ABLIM2: variants seen among roughly 807,000 people sequenced by gnomAD.
The protein encoded by ABLIM2 is actin binding LIM protein family member 2.
In ABLIM2, 53 loss-of-function variants were observed where a neutral mutation model predicts 97.7. The observed-to-expected ratio is 0.54, with a 90% confidence interval of 0.44 to 0.68. ABLIM2 has a LOEUF of 0.68. Ranked by LOEUF, ABLIM2 falls within the 30% of genes least tolerant of loss-of-function variation. The probability of loss-of-function intolerance (pLI) is 0.00; values close to 1 mark genes in which losing one functional copy is unlikely to be tolerated. For missense variants in ABLIM2, 835 were observed against 867.2 expected, an observed-to-expected ratio of 0.96 and a Z score of 0.47; for synonymous variants, 361 against 345.8, an observed-to-expected ratio of 1.04 and a Z score of -0.49.
At position 8,132,690 on chromosome 4, in the gene ABLIM2, A is replaced by C. The variant is rs1391283779; in HGVS notation, c.10+25990T>G. Among the ~76,000 whole-genome samples, 1 of 152,202 alleles carries C rather than the reference A, an allele frequency of 6.6e-6. No individual in the cohort carries two copies. The highest frequency in any genetic ancestry group is 1.5e-5 in the Non-Finnish European group (1 of 68,030). On this transcript the variant is annotated intron_variant, in intron 1 of 20. Coordinates refer to ENST00000447017, the MANE Select transcript of ABLIM2 (RefSeq NM_001130083.2). This position sits in a 1 kb window ranked among gnomAD's most constrained non-coding sequence, Gnocchi z 8.0. The stretch of plus-strand genomic sequence containing the variant: ...CCCGCTGTCTTCCCTCGGGTGACTC[A>C]GTCCTGGGCCTGCAACAGGCCCCAA...
chr4:8,001,042 G>A lies in ABLIM2; in HGVS notation c.1618+7017C>T, dbSNP rs996833870. Among the ~76,000 whole-genome samples the A allele has an allele frequency of 1.3e-5, 2 of 152,246 alleles. No individual in the cohort carries two copies. Among genetic ancestry groups the A allele is most frequent in the Non-Finnish European group, 2.9e-5 (2 of 68,040 alleles). On this transcript the variant is annotated intron_variant, in intron 16 of 20. Coordinates refer to ENST00000447017, the MANE Select transcript of ABLIM2 (RefSeq NM_001130083.2). This position sits in a 1 kb window ranked among gnomAD's most constrained non-coding sequence, Gnocchi z 4.2. ...TTGGGCAGTTCCCATCCGCTCCTGG[G>A]TGCACGGGCAGGAGGTTTGGAGGCT...
intron 8 of ABLIM2, among the ~76,000 whole-genome samples, chr4:8,050,630 G>A (rs1795388674): frequency 6.6e-6 from 1 of 152,178 alleles, no homozygotes; most frequent in Non-Finnish European, 1.5e-5. Flanking sequence ...GAGCCGGCCA[G>A]GTCTGCCTGC....
chr4:8,119,033 G>A (rs1226354306), intron 1 of ABLIM2, among the ~76,000 whole-genome samples: 1 of 152,164 alleles, frequency 6.6e-6, no homozygotes, highest in African/African-American at 2.4e-5. Context: ...TCTGAAACAG[G>A]ACAAGCCTCT....
rs1198756656 is a variant in ABLIM2 at position 8,148,532 on chromosome 4, C to G, written c.10+10148G>C. Among the ~76,000 whole-genome samples the G allele has an allele frequency of 6.6e-6, 1 of 152,172 alleles. No homozygotes were observed. The highest frequency in any genetic ancestry group is 1.5e-5 in the Non-Finnish European group (1 of 68,006). On this transcript the variant is annotated intron_variant, in intron 1 of 20. Transcript: ENST00000447017. This position sits in a 1 kb window ranked among gnomAD's most constrained non-coding sequence, Gnocchi z 6.7. ...ATTCCCTGGGCCTCCGTTTGCTCACCTGTGAAGTGGGAATACTGGTAGTCC... is the reference window on the plus strand; with the variant it reads ...ATTCCCTGGGCCTCCGTTTGCTCACGTGTGAAGTGGGAATACTGGTAGTCC...
rs537560018 is a variant in ABLIM2, at chr4:8,062,004, C to T, written c.676-950G>A. 3.9e-5 allele frequency among the ~76,000 whole-genome samples: 6 copies of T among 151,990 alleles called. No homozygotes were observed. In the East Asian group the frequency reaches 9.7e-4, roughly 24 times the overall value. ...CCTGCGCAGAGCCTGGTGTGGCCTC[C>T]TCTGCCAACCTCCGGGCCAGGTGAT... On this transcript the variant is annotated intron_variant, in intron 6 of 20. Coordinates refer to ENST00000447017, the MANE Select transcript of ABLIM2 (RefSeq NM_001130083.2).
At chr4:8,086,195 G>T (rs1192831141) in intron 4 of ABLIM2, among the ~76,000 whole-genome samples, 1 of 150,896 alleles carries the variant, frequency 6.6e-6, no homozygotes, top group African/African-American at 2.4e-5. Flanking sequence ...GGGAACATTT[G>T]TTCTTTGAAA....
At position 7,992,626 on chromosome 4, in the gene ABLIM2, C is replaced by A. The variant is rs1749767115; in HGVS notation, c.1680+240G>T. 1.3e-5 allele frequency among the ~76,000 whole-genome samples: 2 copies of A among 152,092 alleles called. No individual in the cohort carries two copies. The highest frequency in any genetic ancestry group is 4.1e-4 in the South Asian group (2 of 4,822). On this transcript the variant is annotated intron_variant, in intron 17 of 20. Transcript: ENST00000447017. This position sits in a 1 kb window ranked among gnomAD's most constrained non-coding sequence, Gnocchi z 5.7. ...CCCTGCTCCCACACACTGAGCTCTC[C>A]CTGGGGTCGGGGGCAGGGAGGCAGA...
chr4:8,021,318 TC>T lies in ABLIM2; in HGVS notation c.1268-1016del, dbSNP rs897208132. ...GCCGAGGTGACCTGGGTGACGCCCC[TC>T]CCCCCACACCTGTTTGGGGAATGAG... On this transcript the variant is annotated intron_variant, in intron 12 of 20. Transcript: ENST00000447017. This position sits in a 1 kb window ranked among gnomAD's most constrained non-coding sequence, Gnocchi z 5.5. Among the ~76,000 whole-genome samples the T allele has an allele frequency of 2.6e-5, 4 of 151,896 alleles. No individual in the cohort carries two copies. Among genetic ancestry groups the T allele is most frequent in the Admixed American group, 2.0e-4 (3 of 15,244 alleles).
chr4:7,995,483 C>T (rs892937510), intron 16 of ABLIM2, among the ~76,000 whole-genome samples: 3 of 152,242 alleles, frequency 2.0e-5, no homozygotes, highest in African/African-American at 7.2e-5. Context: ...GGGGACCTCA[C>T]TTCTGAGCAA....
intron 1 of ABLIM2, among the ~76,000 whole-genome samples, chr4:8,136,472 GC>G (rs1850218780): frequency 6.6e-6 from 1 of 152,204 alleles, no homozygotes; most frequent in Non-Finnish European, 1.5e-5. Context: ...AAAAAATGAT[GC>G]CAATAGATGC....
intron 20 of ABLIM2, among the ~76,000 whole-genome samples, chr4:7,975,685 A>C (rs1253714756): frequency 6.6e-6 from 1 of 152,184 alleles, no homozygotes; most frequent in Non-Finnish European, 1.5e-5. Context: ...TTTAACATAT[A>C]TAGCTAAAAG....
At position 8,046,571 on chromosome 4, in the gene ABLIM2, C is replaced by T. The variant is rs1288102597; in HGVS notation, c.823-1330G>A. ...CGACCACAGCCCCCACTGCAGCTCC[C>T]TCCTCTCATTTTCTGAGTAGACCCT... On this transcript the variant is annotated intron_variant, in intron 8 of 20. Transcript: ENST00000447017. This position sits in a 1 kb window ranked among gnomAD's most constrained non-coding sequence, Gnocchi z 4.4. Among the ~76,000 whole-genome samples the T allele has an allele frequency of 6.6e-6, 1 of 152,188 alleles. No homozygotes were observed. The highest frequency in any genetic ancestry group is 1.5e-5 in the Non-Finnish European group (1 of 68,042).
At position 8,004,621 on chromosome 4, in the gene ABLIM2, G is replaced by T. The variant is rs1478705307; in HGVS notation, c.1618+3438C>A. ...GATGGGGCCTCAAGGGGCTAGGAAT[G>T]TGGGACCCCAAGCAGCAGCAGGCCC... is the stretch of plus-strand genomic sequence containing the variant. On this transcript the variant is annotated intron_variant, in intron 16 of 20. Transcript: ENST00000447017. The surrounding 1 kb of genome is among the most constrained non-coding windows in gnomAD (Gnocchi z 5.9). Among the ~76,000 whole-genome samples the T allele has an allele frequency of 6.6e-6, 1 of 152,150 alleles. No individual in the cohort carries two copies. The highest frequency in any genetic ancestry group is 1.5e-5 in the Non-Finnish European group (1 of 68,024).
At chr4:8,081,848 A>T (rs1240130149) in intron 4 of ABLIM2, among the ~76,000 whole-genome samples, 1 of 152,150 alleles carries the variant, frequency 6.6e-6, no homozygotes, top group Non-Finnish European at 1.5e-5. Flanking sequence ...CACTGAGTCA[A>T]CCACCCAGGT....
intron 20 of ABLIM2, among the ~76,000 whole-genome samples, chr4:7,977,798 A>AAATAAATG (rs145285874): frequency 9.3e-5 from 14 of 150,472 alleles, no homozygotes; most frequent in Admixed American, 4.0e-4. Flanking sequence ...CTCAATAAAT[A>AAATAAATG]AATAAATAAA....
chr4:8,036,298 G>A lies in ABLIM2; in HGVS notation c.901-3C>T. On this transcript the variant is annotated splice_polypyrimidine_tract_variant and splice_region_variant and intron_variant, in intron 9 of 20. Transcript: ENST00000447017. ...AGGATCTCACCACCAAGCTTGGCCT[G>A]AGAGGGGAAAGAGAATTGGGGAGGG... 1 of 1,613,474 alleles carries A rather than the reference G, an allele frequency of 6.2e-7. No individual in the cohort carries two copies. Among genetic ancestry groups the A allele is most frequent in the Non-Finnish European group, 8.5e-7 (1 of 1,179,578 alleles).
At chr4:8,080,164 G>T (rs913998527) in intron 5 of ABLIM2, among the ~76,000 whole-genome samples, 9 of 152,208 alleles carry the variant, frequency 5.9e-5, no homozygotes, top group African/African-American at 2.2e-4. Flanking sequence ...GGTGTCGATG[G>T]CAGCTGCCCC....
intron 20 of ABLIM2, among the ~76,000 whole-genome samples, chr4:7,980,540 C>T (rs926453207): frequency 6.6e-6 from 1 of 151,998 alleles, no homozygotes; most frequent in Non-Finnish European, 1.5e-5. Context: ...CGTGGTGAAA[C>T]CCCATCTCTA....
Position 8,104,549 on chromosome 4 carries a change from C to T in ABLIM2, c.154+1945G>A, listed in dbSNP as rs114806939. On this transcript the variant is annotated intron_variant, in intron 2 of 20. Coordinates refer to ENST00000447017, the MANE Select transcript of ABLIM2 (RefSeq NM_001130083.2). ...TGATGTCCCTGATAGTCACCCACGT[C>T]CTTGGACAGAGTCTCAGCATCTCTG... Among the ~76,000 whole-genome samples the T allele has an allele frequency of 3.2e-3, 490 of 152,308 alleles. 3 individuals are homozygous for T. The highest frequency in any genetic ancestry group is 6.8e-3 in the Middle Eastern group (2 of 294).
Sources: allele counts gnomAD v4.1 joint callset (sites outside exome capture counted in the v4.1 genomes callset), GRCh38; gene constraint gnomAD v4.1.1; non-coding constraint Gnocchi (gnomAD v3.1); transcripts MANE v1.5; gene names NCBI Gene and HGNC (gene_info 2026-07-23, HGNC 2026-07-21).